Variants in RAB13 observed in about 807,000 individuals in gnomAD.
RAB13 encodes ras-related protein Rab-13.
Under a neutral mutation model 29.3 loss-of-function variants are expected in RAB13, and 15 were observed. The observed-to-expected ratio is 0.51, with a 90% CI of 0.34 to 0.79. The LOEUF is 0.79. Among genes scored for constraint, RAB13 ranks in the 30% least tolerant of loss-of-function variants. The pLI is 0.01. For missense variants in RAB13, 186 were observed against 255.5 expected (o/e 0.73, Z 1.85); for synonymous variants, 82 against 93.8 (o/e 0.87, Z 0.73).
At chr1:153,989,699 C>T (rs1482587698), upstream of RAB13, among the ~76,000 whole-genome samples, 1 of 151,782 alleles carries the variant, frequency 6.6e-6, no homozygotes, top group Non-Finnish European at 1.5e-5. Flanking sequence ...TCAATACCAG[C>T]TTGGCCAACA....
At chr1:153,988,838 C>T (rs1008602878), upstream of RAB13, among the ~76,000 whole-genome samples, 7 of 149,136 alleles carry the variant, frequency 4.7e-5, no homozygotes, top group African/African-American at 1.5e-4. Context: ...TCTCGAACTC[C>T]CGACCTCAGG....
At chr1:153,990,389 GA>G (rs1225650554), upstream of RAB13, among the ~76,000 whole-genome samples, 1 of 152,144 alleles carries the variant, frequency 6.6e-6, no homozygotes, top group Non-Finnish European at 1.5e-5. Flanking sequence ...TAAACCAATA[GA>G]AAAAGAGTTA....
Position 153,982,372 on chromosome 1 carries a change from TCCAGCAAAA to T in RAB13, c.534+10_534+18del. On this transcript the variant is annotated intron_variant, in intron 7 of 7. Transcript: ENST00000368575. Reference sequence around the variant, plus strand: ...ACACACACCCCAGAGTTGTACCTAGTCCAGCAAAACCAACTTACTGATCTCCGGCCTCCT... The same window carrying T: ...ACACACACCCCAGAGTTGTACCTAGTCCAACTTACTGATCTCCGGCCTCCT... 6.2e-7 allele frequency: 1 copy of T among 1,603,132 alleles called. No homozygotes were observed.
intron 7 of RAB13, 44 bp downstream of exon 7, chr1:153,982,347 A>C: frequency 6.4e-7 from 1 of 1,562,168 alleles, no homozygotes; most frequent in Non-Finnish European, 8.8e-7. Context: ...ACATACACAC[A>C]CACACACCCC....
upstream of RAB13, among the ~76,000 whole-genome samples, chr1:153,989,856 C>T (rs1016066201): frequency 1.3e-5 from 2 of 151,140 alleles, no homozygotes; most frequent in African/African-American, 4.9e-5. Context: ...GGCGCCATCA[C>T]ACTACAGCCT....
Position 153,983,539 on chromosome 1 carries a change from G to C in RAB13, c.228C>G (p.Ala76=). ...TTCATACCATGGCTCCACGGTAGTA[G>C]GCAGTAGTTATTGTCTTGAACCGCT... is the stretch of plus-strand genomic sequence containing the variant. ...GQERFKTITT[A]YYRGAMGIIL... Residue 76 remains alanine (A), a synonymous_variant, in exon 3 of 8, where the codon GCC becomes GCG. Coordinates refer to ENST00000368575, the MANE Select transcript of RAB13 (RefSeq NM_002870.5). 6.2e-7 allele frequency: 1 copy of C among 1,610,998 alleles called. No homozygotes were observed. Among genetic ancestry groups the C allele is most frequent in the Non-Finnish European group, 8.5e-7 (1 of 1,177,184 alleles).
In RAB13 at chr1:153,982,811, G is replaced by A; in HGVS notation, c.325-3C>T. 1 of 1,614,096 alleles carries A rather than the reference G, an allele frequency of 6.2e-7. No homozygotes were observed. The highest frequency in any genetic ancestry group is 8.5e-7 in the Non-Finnish European group (1 of 1,180,012). The stretch of plus-strand genomic sequence containing the variant: ...CGCTCCACCCCAGCCGAGGCATTCT[G>A]GGGGCAAAAGACAAGTAAAAGTTAG... On this transcript the variant is annotated splice_region_variant and splice_polypyrimidine_tract_variant and intron_variant, in intron 4 of 7. Transcript: ENST00000368575.
upstream of RAB13, among the ~76,000 whole-genome samples, chr1:153,988,617 T>G (rs958849256): frequency 2.7e-5 from 4 of 148,882 alleles, no homozygotes; most frequent in African/African-American, 9.7e-5. Context: ...TTTTTAATTT[T>G]TATTGTTTAT....
chr1:153,982,255 C>G lies in RAB13; in HGVS notation c.535-79G>C, dbSNP rs376694573. 5 of 1,515,422 alleles carry G rather than the reference C, an allele frequency of 3.3e-6. No individual in the cohort carries two copies. In the African/African-American group the frequency reaches 6.9e-5, roughly 21 times the overall value. 93.9% of individuals were successfully genotyped at this position (1,515,422 alleles called of 1,614,324 possible). A position where few individuals can be genotyped will look rare whatever the true frequency, so the allele number is the denominator to read the frequency against. On this transcript the variant is annotated intron_variant, in intron 7 of 7. Coordinates refer to ENST00000368575, the MANE Select transcript of RAB13 (RefSeq NM_002870.5). Reference sequence around the variant, plus strand: ...GGGTATAAACTGTTTAAAGTAAATCCACCCTCATGAGAAATCTTAGCATTG... The same window carrying G: ...GGGTATAAACTGTTTAAAGTAAATCGACCCTCATGAGAAATCTTAGCATTG...
At position 153,986,311 on chromosome 1, in the gene RAB13, CAG is replaced by C; in HGVS notation, c.-77_-76del. The C allele has an allele frequency of 7.8e-7, 1 of 1,275,458 alleles. No homozygotes were observed. Among genetic ancestry groups the C allele is most frequent in the Non-Finnish European group, 1.1e-6 (1 of 891,342 alleles). 79.0% of individuals were successfully genotyped at this position (1,275,458 alleles called of 1,614,324 possible). On this transcript the variant is annotated 5_prime_UTR_variant, in exon 1 of 8. Transcript: ENST00000368575. ...TAGGCGGGACTGGACGGTTGGCAAACAGAGCGGCACGGAGCCCAGGCCAGGAA... is the reference window on the plus strand; with the variant it reads ...TAGGCGGGACTGGACGGTTGGCAAACAGCGGCACGGAGCCCAGGCCAGGAA...
intron 1 of RAB13, chr1:153,985,912 T>TC: frequency 2.5e-6 from 2 of 800,502 alleles, no homozygotes; most frequent in Non-Finnish European, 3.6e-6. Context: ...GTTGAAGAGT[T>TC]ACCTGAAGGC....
chr1:153,984,795 G>A lies in RAB13; in HGVS notation c.125-14C>T, dbSNP rs761255268. The A allele has an allele frequency of 1.2e-6, 2 of 1,610,594 alleles. No homozygotes were observed. Among genetic ancestry groups the A allele is most frequent in the South Asian group, 1.1e-5 (1 of 90,518 alleles). On this transcript the variant is annotated splice_polypyrimidine_tract_variant and intron_variant, in intron 1 of 7. Coordinates refer to ENST00000368575, the MANE Select transcript of RAB13 (RefSeq NM_002870.5). ...TGAAATCAATTCCTAGGGGTGGAAG[G>A]TATGCACTGAAGTTGAGACATGCAT... is the stretch of plus-strand genomic sequence containing the variant.
At chr1:153,988,655 G>A (rs886342342), upstream of RAB13, among the ~76,000 whole-genome samples, 1 of 146,508 alleles carries the variant, frequency 6.8e-6, no homozygotes, top group Non-Finnish European at 1.5e-5. Flanking sequence ...CTCTTGTTGC[G>A]TAGGCTGGGG....
upstream of RAB13, among the ~76,000 whole-genome samples, chr1:153,987,647 ATAT>A (rs1649217884): frequency 6.6e-6 from 1 of 151,576 alleles, no homozygotes; most frequent in Admixed American, 6.6e-5. Context: ...AAGAAAGAAA[ATAT>A]TATCTAAGAC....
Position 153,983,313 on chromosome 1 carries a change from T to G in RAB13, c.247-17A>C, listed in dbSNP as rs762474093. ...GATAATGCCCTGGGAGATGACAAAA[T>G]TCACCTTGGACCATGTTCCCATTGA... On this transcript the variant is annotated splice_polypyrimidine_tract_variant and intron_variant, in intron 3 of 7. Coordinates refer to ENST00000368575, the MANE Select transcript of RAB13 (RefSeq NM_002870.5). 3.7e-6 allele frequency: 6 copies of G among 1,609,926 alleles called. No homozygotes were observed. The South Asian group carries it at 6.6e-5, about 18-fold the overall frequency.
chr1:153,983,435 T>C, intron 3 of RAB13, 86 bp downstream of exon 3: 1 of 1,514,804 alleles, frequency 6.6e-7, no homozygotes, highest in Non-Finnish European at 9.2e-7. Context: ...CTCCCATTTT[T>C]ACCTGCCCCA....
intron 1 of RAB13, 125 bp from the exon 2 acceptor site, chr1:153,984,906 C>T (rs1401113157): frequency 1.4e-6 from 2 of 1,398,132 alleles, no homozygotes; most frequent in Non-Finnish European, 1.9e-6. Flanking sequence ...ACTTGGGGAA[C>T]AATCTTGTTG....
Position 153,982,352 on chromosome 1 carries a change from C to T in RAB13, c.534+39G>A, listed in dbSNP as rs199992836. 3.2e-6 allele frequency: 5 copies of T among 1,567,404 alleles called. No homozygotes were observed. The African/African-American group carries it at 5.5e-5, about 17-fold the overall frequency. ...ACACACACATACATACACACACACACACCCCAGAGTTGTACCTAGTCCAGC... is the reference window on the plus strand; with the variant it reads ...ACACACACATACATACACACACACATACCCCAGAGTTGTACCTAGTCCAGC... On this transcript the variant is annotated intron_variant, in intron 7 of 7. Coordinates refer to ENST00000368575, the MANE Select transcript of RAB13 (RefSeq NM_002870.5).
rs1476613299 is a variant in RAB13, at chr1:153,982,326, CACACACACAT to C, written c.534+55_534+64del. On this transcript the variant is annotated intron_variant, in intron 7 of 7. Coordinates refer to ENST00000368575, the MANE Select transcript of RAB13 (RefSeq NM_002870.5). ...CAACACACACACACACACACACACA[CACACACACAT>C]ACATACACACACACACACCCCAGAG... The C allele has an allele frequency of 5.3e-6, 8 of 1,500,728 alleles. No homozygotes were observed. The African/African-American group carries it at 9.5e-5, about 18-fold the overall frequency. The allele number at this position is 1,500,728 out of a possible 1,614,324, so 93.0% of individuals were successfully genotyped here.
Sources: gnomAD v4.1 joint callset for allele counts (sites outside exome capture counted in the v4.1 genomes callset) on GRCh38, gnomAD v4.1.1 for gene constraint, MANE v1.5 for transcripts, NCBI Gene and HGNC (gene_info 2026-07-23, HGNC 2026-07-21) for gene names.